NKAIN1: variants seen among roughly 807,000 people sequenced by gnomAD.
NKAIN1 encodes the protein sodium/potassium transporting ATPase interacting 1, also known as sodium/potassium-transporting ATPase subunit beta-1-interacting protein 1.
In NKAIN1, 13 loss-of-function variants were observed where a neutral mutation model predicts 31.6. The ratio of observed to expected loss-of-function variants is 0.41; its 90% CI spans 0.27 to 0.65. The LOEUF is 0.65. Among genes scored for constraint, NKAIN1 ranks in the 30% least tolerant of loss-of-function variants. NKAIN1 has a pLI of 0.30. For synonymous variants in NKAIN1, 104 were observed against 109.0 expected (o/e 0.95, Z 0.28); for missense variants, 193 against 262.2 (o/e 0.74, Z 1.82).
At chr1:31,216,872 TTG>T (rs920949532) in intron 1 of NKAIN1, among the ~76,000 whole-genome samples, 56 of 151,890 alleles carry the variant, frequency 3.7e-4, no homozygotes, top group Middle Eastern at 3.4e-3. Context: ...TTTTGTATTT[TTG>T]TGTGTGTGTG....
At chr1:31,182,227 C>T (rs1352985359) in intron 5 of NKAIN1, among the ~76,000 whole-genome samples, 2 of 151,978 alleles carry the variant, frequency 1.3e-5, no homozygotes, top group Non-Finnish European at 2.9e-5. Flanking sequence ...GCCGGGCAGT[C>T]CTATGGGAGA....
rs1645238983 is a variant in NKAIN1 at position 31,185,992 on chromosome 1, C to T, written c.193-665G>A. ...CCTGTAGTCCTAGCACTTTGGGAGGCTGAGGTGGGCAGATCATTTGAGCTC... is the reference window on the plus strand; with the variant it reads ...CCTGTAGTCCTAGCACTTTGGGAGGTTGAGGTGGGCAGATCATTTGAGCTC... On this transcript the variant is annotated intron_variant, in intron 2 of 6. Transcript: ENST00000373736. 2.7e-5 allele frequency among the ~76,000 whole-genome samples: 4 copies of T among 150,704 alleles called. No individual in the cohort carries two copies. The South Asian group carries it at 8.4e-4, about 31-fold the overall frequency.
At chr1:31,217,888 T>C (rs1464885115) in intron 1 of NKAIN1, among the ~76,000 whole-genome samples, 1 of 152,124 alleles carries the variant, frequency 6.6e-6, no homozygotes, top group African/African-American at 2.4e-5. Context: ...TCTTGGCTCC[T>C]GGATTCCAGG....
chr1:31,197,685 T>C (rs1459047233), intron 1 of NKAIN1, among the ~76,000 whole-genome samples: 3 of 150,774 alleles, frequency 2.0e-5, no homozygotes, highest in African/African-American at 7.3e-5. Flanking sequence ...TAGCTGGGAT[T>C]ACAGGCACCT....
chr1:31,197,713 AT>A (rs1274486846), intron 1 of NKAIN1, among the ~76,000 whole-genome samples: 2 of 142,212 alleles, frequency 1.4e-5, no homozygotes, highest in African/African-American at 5.3e-5. Context: ...AGCCCAGCTA[AT>A]TTTTATATTT....
At chr1:31,214,843 C>T (rs927553679) in intron 1 of NKAIN1, among the ~76,000 whole-genome samples, 3 of 152,142 alleles carry the variant, frequency 2.0e-5, no homozygotes, top group African/African-American at 4.8e-5. Context: ...TGGGGGAATG[C>T]GAGGGAGGGA....
At chr1:31,188,638 A>C (rs1645262570) in intron 1 of NKAIN1, among the ~76,000 whole-genome samples, 2 of 152,158 alleles carry the variant, frequency 1.3e-5, no homozygotes, top group Admixed American at 1.3e-4. Flanking sequence ...CCTTCCCTGA[A>C]GGAGCTGGAA....
intron 1 of NKAIN1, among the ~76,000 whole-genome samples, chr1:31,214,474 GA>G (rs999798451): frequency 1.1e-4 from 17 of 148,694 alleles, no homozygotes; most frequent in South Asian, 4.3e-4. Context: ...AAAAAAAAAA[GA>G]AAAAAACCAG....
At chr1:31,205,412 C>T (rs1201017623) in intron 1 of NKAIN1, among the ~76,000 whole-genome samples, 3 of 152,038 alleles carry the variant, frequency 2.0e-5, no homozygotes, top group East Asian at 1.9e-4. Context: ...GGGTTCAAGC[C>T]GTTCTCCTGC....
At chr1:31,185,201 G>C in intron 3 of NKAIN1, 46 bp downstream of exon 3, 1 of 1,497,492 alleles carries the variant, frequency 6.7e-7, no homozygotes, top group Non-Finnish European at 9.2e-7. Context: ...CAGGGGATGG[G>C]AATGGTCAGG....
chr1:31,210,422 G>A (rs1488812625), intron 1 of NKAIN1, among the ~76,000 whole-genome samples: 3 of 94,954 alleles, frequency 3.2e-5, no homozygotes, highest in Non-Finnish European at 7.1e-5. Context: ...CTGAGCAGCT[G>A]GGATTACAGG....
intron 1 of NKAIN1, among the ~76,000 whole-genome samples, chr1:31,197,000 G>T (rs1645332386): frequency 6.6e-6 from 1 of 151,896 alleles, no homozygotes; most frequent in South Asian, 2.1e-4. Context: ...TTCCTCATAG[G>T]GTTGCAAGAA....
At chr1:31,218,022 TTC>T (rs1237051501) in intron 1 of NKAIN1, among the ~76,000 whole-genome samples, 5 of 84,196 alleles carry the variant, frequency 5.9e-5, no homozygotes, top group South Asian at 4.6e-4. Flanking sequence ...ACCATTTTCT[TTC>T]TTTCTTTCTT....
chr1:31,181,632 C>A lies in NKAIN1; in HGVS notation c.*71G>T, dbSNP rs1023212427. 3.0e-4 allele frequency: 413 copies of A among 1,395,930 alleles called. 4 individuals are homozygous for A. Among genetic ancestry groups the A allele is most frequent in the Admixed American group, 1.5e-4 (5 of 33,634 alleles). 86.5% of individuals were successfully genotyped at this position (1,395,930 alleles called of 1,614,324 possible). A position where few individuals can be genotyped will look rare whatever the true frequency, so the allele number is the denominator to read the frequency against. On this transcript the variant is annotated 3_prime_UTR_variant, in exon 7 of 7. Coordinates refer to ENST00000373736, the MANE Select transcript of NKAIN1 (RefSeq NM_024522.3). ...GCGGGCCACCAGGGGGACACGCCTG[C>A]GCCTTGGCCCGAGCTCGCGGCAGCT...
At chr1:31,231,521 G>T (rs1370386174) in intron 1 of NKAIN1, among the ~76,000 whole-genome samples, 2 of 130,530 alleles carry the variant, frequency 1.5e-5, no homozygotes, top group African/African-American at 6.2e-5. Flanking sequence ...TTTTGTTGTT[G>T]TTTGTTGTTG....
At chr1:31,203,444 G>A (rs1193533687) in intron 1 of NKAIN1, among the ~76,000 whole-genome samples, 1 of 150,424 alleles carries the variant, frequency 6.6e-6, no homozygotes, top group African/African-American at 2.4e-5. Context: ...AGAGCCACTT[G>A]AGTAGGACAA....
chr1:31,236,707 C>T (rs1645695042), intron 1 of NKAIN1, among the ~76,000 whole-genome samples: 1 of 152,164 alleles, frequency 6.6e-6, no homozygotes, highest in African/African-American at 2.4e-5. Context: ...TGGGAGAAAC[C>T]AGAATGCCAC....
At chr1:31,188,422 C>A in intron 1 of NKAIN1, 1 of 490,828 alleles carries the variant, frequency 2.0e-6, no homozygotes, top group Non-Finnish European at 3.6e-6. Context: ...TCCTCCCTGC[C>A]AAGGAGGCCC....
At chr1:31,196,903 G>T (rs994863495) in intron 1 of NKAIN1, among the ~76,000 whole-genome samples, 20 of 152,080 alleles carry the variant, frequency 1.3e-4, no homozygotes, top group African/African-American at 4.6e-4. Flanking sequence ...GAATCCTGGT[G>T]TGCTGGTTAT....
Sources: gnomAD v4.1 joint callset for allele counts (sites outside exome capture counted in the v4.1 genomes callset) on GRCh38, gnomAD v4.1.1 for gene constraint, MANE v1.5 for transcripts, NCBI Gene and HGNC (gene_info 2026-07-23, HGNC 2026-07-21) for gene names.